The following DSG1 variants were observed in gnomAD, a reference collection of about 807,000 sequenced individuals.
DSG1 encodes the protein desmoglein 1, also known as desmoglein-1.
In DSG1, 39 loss-of-function variants were observed where a neutral mutation model predicts 97.5. The ratio of observed to expected loss-of-function variants is 0.40; its 90% CI spans 0.31 to 0.52. DSG1 has a LOEUF of 0.52. Among genes scored for constraint, DSG1 ranks in the 20% least tolerant of loss-of-function variants. DSG1 has a pLI of 0.53. For missense variants in DSG1, 1,311 were observed against 1,295.4 expected (o/e 1.01, Z -0.18); for synonymous variants, 475 against 443.4 (o/e 1.07, Z -0.90).
At chr18:31,344,830 A>C (rs938308145) in intron 13 of DSG1, among the ~76,000 whole-genome samples, 2 of 152,244 alleles carry the variant, frequency 1.3e-5, no homozygotes, top group Non-Finnish European at 2.9e-5. Context: ...AGGTAAATAA[A>C]TACTATTGGT....
At position 31,354,599 on chromosome 18, in the gene DSG1, A is replaced by G; in HGVS notation, c.2403A>G (p.Pro801=). 6.2e-7 allele frequency: 1 copy of G among 1,614,076 alleles called. No individual in the cohort carries two copies. Among genetic ancestry groups the G allele is most frequent in the Non-Finnish European group, 8.5e-7 (1 of 1,180,014 alleles). The change falls in exon 15 of 15, where the codon CCA becomes CCG. Residue 801 remains proline (P), a synonymous_variant. Coordinates refer to ENST00000257192, the MANE Select transcript of DSG1 (RefSeq NM_001942.4). ...PVVSGHPPIS[P]HFGTTTVISE... is the part of the protein sequence containing the mutation. ...TTAGTGGACACCCACCAATCTCCCC[A>G]CATTTCGGCACTACCACAGTAATTT...
intron 14 of DSG1, chr18:31,354,001 C>A (rs1025604586): frequency 2.9e-6 from 1 of 349,766 alleles, no homozygotes; most frequent in Non-Finnish European, 5.3e-6. Context: ...CTCCTCGAAA[C>A]CAATTCATGT....
Position 31,334,193 on chromosome 18 carries a change from G to C in DSG1, c.996G>C (p.Lys332Asn). The change falls in exon 8 of 15, where the codon AAG becomes AAC. Residue 332 changes from lysine (K) to asparagine (N), a missense_variant. Physicochemically the swap from Lys to Asn is moderately conservative, Grantham distance 94. Transcript: ENST00000257192. ...AAAGAACAAATGTGGGAATTTTAAA[G>C]GTTGTTAAGGTATGGTATAATTATC... Reference protein sequence around the residue: ...MNERTNVGILKVVKPLDYEAM... With the variant: ...MNERTNVGILNVVKPLDYEAM... 1 of 1,583,716 alleles carries C rather than the reference G, an allele frequency of 6.3e-7. No individual in the cohort carries two copies.
chr18:31,333,217 G>A (rs191259693), intron 6 of DSG1, among the ~76,000 whole-genome samples: 1 of 152,164 alleles, frequency 6.6e-6, no homozygotes, highest in Admixed American at 6.5e-5. Context: ...CTGTTTATAT[G>A]CTTCTTGCAC....
At chr18:31,320,492 G>A (rs1218764188) in intron 1 of DSG1, among the ~76,000 whole-genome samples, 1 of 152,130 alleles carries the variant, frequency 6.6e-6, no homozygotes, top group Non-Finnish European at 1.5e-5. Context: ...TGCATCTGAA[G>A]GTTGTGAACC....
chr18:31,331,347 T>C (rs1179918330), intron 5 of DSG1, among the ~76,000 whole-genome samples: 2 of 152,116 alleles, frequency 1.3e-5, no homozygotes, highest in Non-Finnish European at 2.9e-5. Context: ...CTAGAAAGTG[T>C]TGAGAAAGTT....
rs746655017 is a variant in DSG1, at chr18:31,339,737, A to C, written c.1406-7A>C. On this transcript the variant is annotated splice_region_variant and splice_polypyrimidine_tract_variant and intron_variant, in intron 10 of 14. Transcript: ENST00000257192. ...AAATATTTCTTCCATTTTGAACGTTATTACAGATAATCTTCAAAGAACTTG... is the reference window on the plus strand; with the variant it reads ...AAATATTTCTTCCATTTTGAACGTTCTTACAGATAATCTTCAAAGAACTTG... 2 of 1,601,102 alleles carry C rather than the reference A, an allele frequency of 1.2e-6. No individual in the cohort carries two copies. Among genetic ancestry groups the C allele is most frequent in the African/African-American group, 2.7e-5 (2 of 74,688 alleles).
chr18:31,318,370 T>C (rs1165567605), intron 1 of DSG1, 22 bp downstream of exon 1: 3 of 1,603,028 alleles, frequency 1.9e-6, no homozygotes, highest in Non-Finnish European at 2.6e-6. Context: ...CTGGTAAAAG[T>C]CCTTCATAAT....
chr18:31,331,490 G>A (rs1247774485), intron 5 of DSG1, among the ~76,000 whole-genome samples: 1 of 152,058 alleles, frequency 6.6e-6, no homozygotes, highest in East Asian at 1.9e-4. Context: ...TATCAACAAT[G>A]TCTAGATTCC....
chr18:31,322,053 T>A (rs752122336), intron 1 of DSG1, among the ~76,000 whole-genome samples: 5 of 152,248 alleles, frequency 3.3e-5, no homozygotes, highest in Non-Finnish European at 5.9e-5. Flanking sequence ...TTTTTTTAAA[T>A]GCCATTGGCT....
In DSG1 at chr18:31,339,746, A is replaced by G. The variant is rs1365724124; in HGVS notation, c.1408A>G (p.Asn470Asp). ...TTCCATTTTGAACGTTATTACAGAT[A>G]ATCTTCAAAGAACTTGCACTGGTAC... ...YQGTILSIDD[N>D]LQRTCTGTIN... Residue 470 changes from asparagine to aspartate, a missense_variant and splice_region_variant, in exon 11 of 15, where the codon AAT becomes GAT. By Grantham distance (23) the Asn-to-Asp change is conservative (BLOSUM62 1). Transcript: ENST00000257192. 3 of 1,607,716 alleles carry G rather than the reference A, an allele frequency of 1.9e-6. No homozygotes were observed. Among genetic ancestry groups the G allele is most frequent in the Admixed American group, 1.7e-5 (1 of 59,990 alleles).
In DSG1 at chr18:31,336,462, A is replaced by G. The variant is rs748211006; in HGVS notation, c.1114A>G (p.Ile372Val). Residue 372 changes from isoleucine to valine, a missense_variant, in exon 9 of 15, where the codon ATT becomes GTT. Physicochemically the swap from Ile to Val is conservative, Grantham distance 29. This residue lies in a region of DSG1 where 1,038 missense variants were observed against 964.6 expected (regional missense o/e 1.08). Transcript: ENST00000257192. ...MSQYKLKASA[I>V]SVTVLNVIEG... ...TCAATATAAACTGAAAGCATCTGCA[A>G]TTTCTGTGACTGTGTTAAATGTAAT... 5.0e-6 allele frequency: 8 copies of G among 1,613,898 alleles called. No homozygotes were observed. The Admixed American group carries it at 1.3e-4, about 27-fold the overall frequency.
rs1185269735 is a variant in DSG1 at position 31,356,443 on chromosome 18, T to G, written c.*1097T>G. On this transcript the variant is annotated 3_prime_UTR_variant, in exon 15 of 15. Coordinates refer to ENST00000257192, the MANE Select transcript of DSG1 (RefSeq NM_001942.4). ...TTTGGGGAATTTTTTTTTAAGGGGA[T>G]CTAAAAAAATGTTTTTAGAACATGT... is the stretch of plus-strand genomic sequence containing the variant. 6.6e-6 allele frequency: 1 copy of G among 151,968 alleles called. No individual in the cohort carries two copies. The highest frequency in any genetic ancestry group is 2.4e-5 in the African/African-American group (1 of 41,392). The allele number at this position is 151,968 out of a possible 1,614,324, so 9.4% of individuals were successfully genotyped here. A position where few individuals can be genotyped will look rare whatever the true frequency, so the allele number is the denominator to read the frequency against.
At chr18:31,332,799 A>T (rs998787970) in intron 6 of DSG1, among the ~76,000 whole-genome samples, 1 of 152,140 alleles carries the variant, frequency 6.6e-6, no homozygotes, top group Non-Finnish European at 1.5e-5. Flanking sequence ...CCTTTTATAC[A>T]TGTTTGAAAA....
At chr18:31,334,579 G>GT (rs1426240827) in intron 8 of DSG1, among the ~76,000 whole-genome samples, 2 of 152,094 alleles carry the variant, frequency 1.3e-5, no homozygotes, top group East Asian at 3.8e-4. Flanking sequence ...TGTCAACATT[G>GT]TAAGTCAATT....
intron 14 of DSG1, among the ~76,000 whole-genome samples, chr18:31,348,761 TGTC>T (rs2071866827): frequency 7.4e-6 from 1 of 135,396 alleles, no homozygotes; most frequent in African/African-American, 2.8e-5. Flanking sequence ...GCTGCATAAA[TGTC>T]TTCTTTTGAG....
Position 31,339,990 on chromosome 18 carries a change from T to C in DSG1, c.1652T>C (p.Ile551Thr), listed in dbSNP as rs769110213. The C allele has an allele frequency of 2.1e-5, 34 of 1,613,980 alleles. No homozygotes were observed. Among genetic ancestry groups the C allele is most frequent in the Non-Finnish European group, 2.7e-5 (32 of 1,179,992 alleles). ...AATGTACATTTTGGTCCTGCTGGCA[T>C]TGGACTCCTCATCATGGGATTCTTG... Reference protein sequence around the residue: ...SDNVHFGPAGIGLLIMGFLVL... With the variant: ...SDNVHFGPAGTGLLIMGFLVL... Residue 551 changes from isoleucine (I) to threonine (T), a missense_variant, in exon 11 of 15, where the codon ATT (isoleucine) becomes ACT (threonine). Ile to Thr is a moderately conservative substitution (Grantham distance 89, BLOSUM62 -1). Around this residue, in one of 3 missense-constraint regions of DSG1, gnomAD observed 1,038 missense variants for 964.6 expected, o/e 1.08. Transcript: ENST00000257192.
intron 5 of DSG1, among the ~76,000 whole-genome samples, chr18:31,330,434 T>C (rs1053505705): frequency 3.3e-5 from 5 of 152,260 alleles, no homozygotes; most frequent in South Asian, 4.1e-4. Flanking sequence ...AAATCACTTA[T>C]AGAAATCACT....
Position 31,318,297 on chromosome 18 carries a change from A to G in DSG1, c.-4A>G. On this transcript the variant is annotated 5_prime_UTR_variant, in exon 1 of 15. Transcript: ENST00000257192. ...GGTCTTGGATGTAAGAGAATCCAGC[A>G]GAGATGGACTGGAGTTTCTTCAGAG... 6.2e-7 allele frequency: 1 copy of G among 1,612,608 alleles called. No individual in the cohort carries two copies. Among genetic ancestry groups the G allele is most frequent in the Non-Finnish European group, 8.5e-7 (1 of 1,178,618 alleles).
Sources: allele counts gnomAD v4.1 joint callset (sites outside exome capture counted in the v4.1 genomes callset), GRCh38; gene constraint gnomAD v4.1.1; regional missense constraint gnomAD v4.1.1; transcripts MANE v1.5; gene names NCBI Gene and HGNC (gene_info 2026-07-23, HGNC 2026-07-21).